Variants in ADCY5 observed in about 807,000 individuals in gnomAD.
ADCY5 encodes adenylate cyclase 5.
In ADCY5, 30 loss-of-function variants were observed where a neutral mutation model predicts 119.7. The ratio of observed to expected loss-of-function variants is 0.25; its 90% CI spans 0.19 to 0.34. The LOEUF is 0.34. ADCY5 is among the 10% of genes least tolerant of loss of function. ADCY5 has a pLI of 1.00. For missense variants in ADCY5, 1,324 were observed against 1,775.2 expected, an observed-to-expected ratio of 0.75 and a Z score of 4.57; for synonymous variants, 753 against 762.2, an observed-to-expected ratio of 0.99 and a Z score of 0.20.
At chr3:123,320,841 C>G (rs1266348681) in intron 8 of ADCY5, 70 bp from the exon 9 acceptor site, 4 of 1,188,898 alleles carry the variant, frequency 3.4e-6, no homozygotes, top group Non-Finnish European at 3.7e-6. Context: ...TCAGAGGCGT[C>G]TAGATGGCTG....
intron 16 of ADCY5, among the ~76,000 whole-genome samples, chr3:123,296,664 T>G (rs1939532772): frequency 6.6e-6 from 1 of 152,228 alleles, no homozygotes; most frequent in Non-Finnish European, 1.5e-5. Context: ...AACTTTAGTT[T>G]GCTTATCTGT....
At chr3:123,336,580 G>A (rs550080486) in intron 3 of ADCY5, among the ~76,000 whole-genome samples, 110 of 152,298 alleles carry the variant, frequency 7.2e-4, no homozygotes, top group African/African-American at 2.6e-3. Context: ...GACTGCCACC[G>A]AGCAGAGTAA....
At chr3:123,396,813 GGC>G (rs1158090233) in intron 1 of ADCY5, among the ~76,000 whole-genome samples, 20,882 of 83,156 alleles carry the variant, frequency 0.25, 3,189 homozygotes, top group Admixed American at 0.34. Context: ...CAGGCAGGCA[GGC>G]AGGCGAGAGA....
intron 1 of ADCY5, among the ~76,000 whole-genome samples, chr3:123,431,975 C>T (rs971925127): frequency 6.6e-6 from 1 of 152,170 alleles, no homozygotes; most frequent in Non-Finnish European, 1.5e-5. Flanking sequence ...AACGCTGATG[C>T]CCAGCCACTG....
chr3:123,358,632 C>T (rs923314495), intron 1 of ADCY5, among the ~76,000 whole-genome samples: 3 of 152,066 alleles, frequency 2.0e-5, no homozygotes, highest in Non-Finnish European at 4.4e-5. Flanking sequence ...TTAAAACAAG[C>T]CCTGCAGATG....
At chr3:123,378,644 G>A (rs1943925454) in intron 1 of ADCY5, among the ~76,000 whole-genome samples, 1 of 152,228 alleles carries the variant, frequency 6.6e-6, no homozygotes, top group African/African-American at 2.4e-5. Flanking sequence ...TCTTAGGGAA[G>A]CCCCACTTCG....
chr3:123,345,432 G>A (rs769804621), intron 3 of ADCY5, among the ~76,000 whole-genome samples: 26 of 152,198 alleles, frequency 1.7e-4, no homozygotes, highest in Non-Finnish European at 2.9e-4. Context: ...AAGCTCTGCG[G>A]AGCTGAGAGC....
chr3:123,284,676 C>A lies in ADCY5; in HGVS notation c.3718G>T (p.Val1240Leu). 6.2e-7 allele frequency: 1 copy of A among 1,614,224 alleles called. No homozygotes were observed. Among genetic ancestry groups the A allele is most frequent in the Non-Finnish European group, 8.5e-7 (1 of 1,180,034 alleles). The change falls in exon 21 of 21, where the codon GTG becomes TTG. Residue 1240 changes from valine (V) to leucine (L), a missense_variant. Transcript: ENST00000462833. ...ANTYQLECRG[V>L]VKVKGKGEMM... ...TCGCCTTTGCCCTTGACCTTGACCACGCCCCGGCACTCCAGCTGGTACGTG... is the reference window on the plus strand; with the variant it reads ...TCGCCTTTGCCCTTGACCTTGACCAAGCCCCGGCACTCCAGCTGGTACGTG...
rs368695073 is a variant in ADCY5 at position 123,423,222 on chromosome 3, G to A, written c.1134+24190C>T. Among the ~76,000 whole-genome samples the A allele has an allele frequency of 3.7e-4, 57 of 152,150 alleles. 1 individual carries two copies. Among genetic ancestry groups the A allele is most frequent in the African/African-American group, 1.3e-3 (53 of 41,504 alleles). ...CCGCCTCCTCCTTACTCATGCCCACGCTGGGCACGAGCCCAAGCTGGGCAC... is the reference window on the plus strand; with the variant it reads ...CCGCCTCCTCCTTACTCATGCCCACACTGGGCACGAGCCCAAGCTGGGCAC... On this transcript the variant is annotated intron_variant, in intron 1 of 20. Coordinates refer to ENST00000462833, the MANE Select transcript of ADCY5 (RefSeq NM_183357.3).
intron 1 of ADCY5, among the ~76,000 whole-genome samples, chr3:123,410,136 C>T (rs936333412): frequency 6.6e-6 from 1 of 152,170 alleles, no homozygotes; most frequent in African/African-American, 2.4e-5. Context: ...CCCCCATCTG[C>T]CCTCAGGGCC....
intron 1 of ADCY5, among the ~76,000 whole-genome samples, chr3:123,433,739 T>C (rs1945560666): frequency 6.6e-6 from 1 of 152,138 alleles, no homozygotes; most frequent in African/African-American, 2.4e-5. Flanking sequence ...GTGATCCTGA[T>C]GGGTCCCCAG....
At chr3:123,391,557 G>A (rs139478417) in intron 1 of ADCY5, among the ~76,000 whole-genome samples, 1 of 152,256 alleles carries the variant, frequency 6.6e-6, no homozygotes, top group African/African-American at 2.4e-5. Flanking sequence ...TGCCTGGGCT[G>A]TCTCCAGTTG....
chr3:123,369,934 G>A (rs148920999), intron 1 of ADCY5, among the ~76,000 whole-genome samples: 45 of 152,320 alleles, frequency 3.0e-4, no homozygotes, highest in African/African-American at 1.1e-3. Flanking sequence ...TCCTGGCTGT[G>A]CTGCTAACAA....
intron 5 of ADCY5, 93 bp downstream of exon 5, chr3:123,330,796 C>T: frequency 6.8e-7 from 1 of 1,464,196 alleles, no homozygotes. Context: ...CACTGTTTCC[C>T]TGCCTCCAAC....
chr3:123,298,883 T>C (rs1209211432), intron 15 of ADCY5, among the ~76,000 whole-genome samples: 1 of 134,774 alleles, frequency 7.4e-6, no homozygotes, highest in Non-Finnish European at 1.5e-5. Flanking sequence ...TGGTGATGCG[T>C]AGAAAAGCAT....
chr3:123,421,498 C>T (rs990381499), intron 1 of ADCY5, among the ~76,000 whole-genome samples: 1 of 152,148 alleles, frequency 6.6e-6, no homozygotes, highest in Admixed American at 6.5e-5. Context: ...GACACCTAGT[C>T]CTAAATCTAG....
intron 19 of ADCY5, among the ~76,000 whole-genome samples, chr3:123,287,691 C>T (rs1247852358): frequency 1.3e-5 from 2 of 152,222 alleles, no homozygotes; most frequent in Non-Finnish European, 2.9e-5. Context: ...TCCTTCCAAG[C>T]CGCAGGCAGC....
intron 4 of ADCY5, among the ~76,000 whole-genome samples, chr3:123,331,980 A>C: frequency 6.6e-6 from 1 of 152,174 alleles, no homozygotes; most frequent in Non-Finnish European, 1.5e-5. Context: ...CACTCTACAA[A>C]GGCCTAGAGC....
At chr3:123,399,191 T>C (rs1235700306) in intron 1 of ADCY5, among the ~76,000 whole-genome samples, 1 of 152,254 alleles carries the variant, frequency 6.6e-6, no homozygotes, top group Non-Finnish European at 1.5e-5. Flanking sequence ...AGACTTGATG[T>C]GAACAAAAGA....
Sources: allele counts gnomAD v4.1 joint callset (sites outside exome capture counted in the v4.1 genomes callset), GRCh38; gene constraint gnomAD v4.1.1; transcripts MANE v1.5; gene names NCBI Gene and HGNC (gene_info 2026-07-23, HGNC 2026-07-21).